The following KCNH1 variants were observed in gnomAD, a reference collection of about 807,000 sequenced individuals.
KCNH1 encodes the protein potassium voltage-gated channel subfamily H member 1.
In KCNH1, 27 loss-of-function variants were observed where a neutral mutation model predicts 69.2. The ratio of observed to expected loss-of-function variants is 0.39; its 90% CI spans 0.29 to 0.54. KCNH1 has a LOEUF of 0.54. Ranked by LOEUF, KCNH1 falls within the 20% of genes least tolerant of loss-of-function variation. The pLI is 0.68. For missense variants in KCNH1, 798 were observed against 1,261.6 expected (o/e 0.63, Z 5.57); for synonymous variants, 456 against 487.7 (o/e 0.93, Z 0.86).
intron 3 of KCNH1, among the ~76,000 whole-genome samples, chr1:211,091,654 T>G (rs1272895279): frequency 6.6e-6 from 1 of 152,170 alleles, no homozygotes; most frequent in Non-Finnish European, 1.5e-5. Flanking sequence ...GGAAGCTCAG[T>G]GAATGTGTTT....
In KCNH1 at chr1:210,739,906, G is replaced by T. The variant is rs542271736; in HGVS notation, c.2112+35442C>A. ...TTCAGGACTCTAGGGCCTATATTCT[G>T]CAGATAGAAAAGCTCAGCTGTTGCA... On this transcript the variant is annotated intron_variant, in intron 10 of 10. Coordinates refer to ENST00000271751, the MANE Select transcript of KCNH1 (RefSeq NM_172362.3). 9.2e-5 allele frequency among the ~76,000 whole-genome samples: 14 copies of T among 152,196 alleles called. 1 individual carries two copies. The South Asian group carries it at 2.9e-3, about 32-fold the overall frequency.
intron 6 of KCNH1, among the ~76,000 whole-genome samples, chr1:210,967,232 C>T (rs1440382169): frequency 6.6e-6 from 1 of 151,986 alleles, no homozygotes; most frequent in Non-Finnish European, 1.5e-5. Flanking sequence ...AGATCATGGG[C>T]TGATGGGTGC....
At chr1:211,070,145 T>C (rs75654602) in intron 5 of KCNH1, among the ~76,000 whole-genome samples, 2,542 of 151,934 alleles carry the variant, frequency 0.017, 71 homozygotes, top group African/African-American at 0.056. Context: ...CAAAAACGGC[T>C]GGGGGGCTCA....
At chr1:210,859,357 T>C (rs561468027) in intron 7 of KCNH1, 4 of 1,519,772 alleles carry the variant, frequency 2.6e-6, no homozygotes, top group Middle Eastern at 1.7e-4. Flanking sequence ...AGTCAGACCC[T>C]GATCCCACAC....
At chr1:211,101,569 C>A (rs1020744866) in intron 3 of KCNH1, among the ~76,000 whole-genome samples, 5 of 152,196 alleles carry the variant, frequency 3.3e-5, no homozygotes, top group African/African-American at 1.2e-4. Flanking sequence ...CCTTCCTCAG[C>A]ACAGATGCAA....
At chr1:210,718,933 T>A (rs904979499) in intron 10 of KCNH1, among the ~76,000 whole-genome samples, 1 of 151,802 alleles carries the variant, frequency 6.6e-6, no homozygotes, top group Non-Finnish European at 1.5e-5. Flanking sequence ...ATCAATGATA[T>A]CTCAATGGAA....
chr1:210,848,940 A>G (rs1685621539), intron 7 of KCNH1, among the ~76,000 whole-genome samples: 1 of 152,212 alleles, frequency 6.6e-6, no homozygotes, highest in South Asian at 2.1e-4. Context: ...AGCTTAGAGT[A>G]TAGCAGAGAA....
chr1:210,763,509 G>A (rs1424033890), intron 10 of KCNH1, among the ~76,000 whole-genome samples: 1 of 151,964 alleles, frequency 6.6e-6, no homozygotes, highest in African/African-American at 2.4e-5. Flanking sequence ...GATGACTTCA[G>A]GAAAGTCTCA....
At chr1:211,075,889 T>G (rs1017311368) in intron 5 of KCNH1, among the ~76,000 whole-genome samples, 13 of 152,224 alleles carry the variant, frequency 8.5e-5, no homozygotes, top group Non-Finnish European at 2.9e-5. Context: ...AATACTGTGC[T>G]TTTCCAATGG....
At chr1:210,717,934 C>T (rs986602699) in intron 10 of KCNH1, among the ~76,000 whole-genome samples, 1 of 151,986 alleles carries the variant, frequency 6.6e-6, no homozygotes, top group African/African-American at 2.4e-5. Context: ...TAGTGAAACC[C>T]CATGTCTACT....
chr1:210,767,813 C>A (rs1012292166), intron 10 of KCNH1, among the ~76,000 whole-genome samples: 1 of 152,174 alleles, frequency 6.6e-6, no homozygotes, highest in African/African-American at 2.4e-5. Context: ...TAAGCTAGGC[C>A]AGATCTTTTC....
intron 7 of KCNH1, among the ~76,000 whole-genome samples, chr1:210,913,551 C>G (rs535785482): frequency 6.6e-6 from 1 of 152,126 alleles, no homozygotes; most frequent in Non-Finnish European, 1.5e-5. Flanking sequence ...AGCCTCTTAC[C>G]TCTAATCCAC....
At chr1:210,894,344 C>T (rs565190840) in intron 7 of KCNH1, among the ~76,000 whole-genome samples, 5 of 152,324 alleles carry the variant, frequency 3.3e-5, no homozygotes, top group Admixed American at 3.3e-4. Context: ...CTTCTGACTA[C>T]TCAATCCAAT....
chr1:211,010,253 G>T (rs76758047), intron 6 of KCNH1, among the ~76,000 whole-genome samples: 10,699 of 152,168 alleles, frequency 0.07, 534 homozygotes, highest in South Asian at 0.18. Flanking sequence ...TGCACTAGTG[G>T]AGGTGACAGC....
chr1:210,759,304 A>G (rs1396189615), intron 10 of KCNH1, among the ~76,000 whole-genome samples: 1 of 152,144 alleles, frequency 6.6e-6, no homozygotes, highest in Non-Finnish European at 1.5e-5. Flanking sequence ...CTCCCAAGCA[A>G]TGGATCTGAG....
chr1:210,749,096 G>A (rs1683225426), intron 10 of KCNH1, among the ~76,000 whole-genome samples: 1 of 152,110 alleles, frequency 6.6e-6, no homozygotes, highest in African/African-American at 2.4e-5. Context: ...TTAGAGGCTT[G>A]GCTCTTGATA....
chr1:210,926,057 G>A (rs939170099), intron 6 of KCNH1, among the ~76,000 whole-genome samples: 5 of 152,128 alleles, frequency 3.3e-5, no homozygotes, highest in Non-Finnish European at 7.4e-5. Context: ...TCAGGAGTTC[G>A]AGACCAGCCT....
chr1:210,853,099 C>T (rs1462367198), intron 7 of KCNH1, among the ~76,000 whole-genome samples: 1 of 152,090 alleles, frequency 6.6e-6, no homozygotes, highest in Non-Finnish European at 1.5e-5. Context: ...TAATGTTTGG[C>T]GGCTATGGTA....
intron 6 of KCNH1, among the ~76,000 whole-genome samples, chr1:210,981,372 CAAAAAAA>C (rs10684074): frequency 2.3e-5 from 2 of 85,498 alleles, no homozygotes; most frequent in African/African-American, 4.8e-5. Context: ...GTAACAACGA[CAAAAAAA>C]AAAAAAAAAA....
Sources: gnomAD v4.1 joint callset for allele counts (sites outside exome capture counted in the v4.1 genomes callset) on GRCh38, gnomAD v4.1.1 for gene constraint, MANE v1.5 for transcripts, NCBI Gene and HGNC (gene_info 2026-07-23, HGNC 2026-07-21) for gene names.